Variants in QPCT observed in about 807,000 individuals in gnomAD.
QPCT encodes glutaminyl-peptide cyclotransferase.
A neutral mutation model predicts 43.4 loss-of-function variants in QPCT; 44 were observed. The observed-to-expected ratio is 1.01, with a 90% CI of 0.80 to 1.30. QPCT has a LOEUF of 1.30. Ranked by LOEUF, QPCT falls within the 50% of genes most tolerant of loss-of-function variation. QPCT has a pLI of 0.00. For missense variants in QPCT, 526 were observed against 436.5 expected (o/e 1.21, Z -1.83); for synonymous variants, 168 against 168.4 (o/e 1.00, Z 0.02).
chr2:37,353,188 G>A (rs1333101837), intron 2 of QPCT, among the ~76,000 whole-genome samples: 1 of 152,150 alleles, frequency 6.6e-6, no homozygotes, highest in Non-Finnish European at 1.5e-5. Flanking sequence ...CTTCACTCTT[G>A]ACCATTCAAT....
intron 1 of QPCT, among the ~76,000 whole-genome samples, chr2:37,346,421 G>C (rs574978916): frequency 1.3e-5 from 2 of 152,178 alleles, no homozygotes; most frequent in African/African-American, 2.4e-5. Flanking sequence ...CTGGAATATG[G>C]AGCCACACCA....
chr2:37,358,320 C>A (rs977390063), intron 2 of QPCT, among the ~76,000 whole-genome samples: 1 of 152,108 alleles, frequency 6.6e-6, no homozygotes, highest in Non-Finnish European at 1.5e-5. Flanking sequence ...GTCTGTTATT[C>A]CAGCTACTCA....
intron 3 of QPCT, among the ~76,000 whole-genome samples, chr2:37,360,892 T>A (rs1422717458): frequency 6.6e-6 from 1 of 152,216 alleles, no homozygotes; most frequent in Non-Finnish European, 1.5e-5. Context: ...AAGTCTAATT[T>A]TTCATATTTG....
At chr2:37,347,646 A>G (rs1456396100) in intron 1 of QPCT, among the ~76,000 whole-genome samples, 1 of 152,128 alleles carries the variant, frequency 6.6e-6, no homozygotes, top group African/African-American at 2.4e-5. Context: ...CTTAAAGGTC[A>G]TCATTAGTCT....
At chr2:37,352,581 C>G (rs1672644075) in intron 1 of QPCT, among the ~76,000 whole-genome samples, 1 of 152,202 alleles carries the variant, frequency 6.6e-6, no homozygotes, top group Non-Finnish European at 1.5e-5. Flanking sequence ...GTCCTCTTGC[C>G]TCAGCCTCCC....
At chr2:37,352,037 A>T (rs1223284427) in intron 1 of QPCT, among the ~76,000 whole-genome samples, 1 of 152,056 alleles carries the variant, frequency 6.6e-6, no homozygotes, top group Non-Finnish European at 1.5e-5. Context: ...TTCAAAAAAA[A>T]AAAAAAGATT....
intron 2 of QPCT, among the ~76,000 whole-genome samples, chr2:37,353,603 T>C (rs11689966): frequency 7.5e-4 from 114 of 152,328 alleles, no homozygotes; most frequent in Admixed American, 3.7e-3. Context: ...CAAGACCCAT[T>C]GATTTTACCA....
chr2:37,347,180 A>ATATATATATATAT (rs1672514687), intron 1 of QPCT, among the ~76,000 whole-genome samples: 1 of 35,868 alleles, frequency 2.8e-5, no homozygotes. Flanking sequence ...TATATATATA[A>ATATATATATATAT]CATATATATA....
intron 3 of QPCT, among the ~76,000 whole-genome samples, chr2:37,360,470 G>GT (rs780620036): frequency 5.3e-4 from 80 of 152,050 alleles, no homozygotes; most frequent in Admixed American, 1.5e-3. Flanking sequence ...TGTTCTTAAG[G>GT]GTATATTGGA....
At chr2:37,357,639 G>T (rs550344869) in intron 2 of QPCT, among the ~76,000 whole-genome samples, 1 of 152,296 alleles carries the variant, frequency 6.6e-6, no homozygotes, top group Admixed American at 6.5e-5. Flanking sequence ...CATGCACAAT[G>T]CTATTTAGGA....
intron 3 of QPCT, among the ~76,000 whole-genome samples, chr2:37,364,117 C>T (rs1672909757): frequency 6.6e-6 from 1 of 152,102 alleles, no homozygotes; most frequent in African/African-American, 2.4e-5. Flanking sequence ...ATTTGCAACC[C>T]AGAATCTTCA....
rs780980528 is a variant in QPCT, at chr2:37,359,653, C to G, written c.341C>G (p.Pro114Arg). The change falls in exon 3 of 7, where the codon CCC becomes CGC. Residue 114 changes from proline to arginine, a missense_variant. Pro to Arg is a moderately radical substitution (Grantham distance 103). Coordinates refer to ENST00000338415, the MANE Select transcript of QPCT (RefSeq NM_012413.4). ...LEIDTFLSQT[P>R]YGYRSFSNII... ...ATAGACACCTTCTTGAGTCAGACAC[C>G]CTATGGGTACCGGTCTTTCTCAAAT... The G allele has an allele frequency of 1.3e-5, 21 of 1,614,026 alleles. No homozygotes were observed. The highest frequency in any genetic ancestry group is 1.8e-5 in the Non-Finnish European group (21 of 1,179,958).
intron 3 of QPCT, among the ~76,000 whole-genome samples, chr2:37,361,684 T>C (rs1308772425): frequency 6.6e-6 from 1 of 152,246 alleles, no homozygotes; most frequent in Admixed American, 6.5e-5. Context: ...AAACCCATTC[T>C]AGATCAGCTG....
chr2:37,345,261 G>A (rs1672459657), intron 1 of QPCT, among the ~76,000 whole-genome samples: 1 of 152,038 alleles, frequency 6.6e-6, no homozygotes, highest in Admixed American at 6.5e-5. Context: ...TGCGCCTGGG[G>A]GTGTGCCCAC....
Position 37,372,498 on chromosome 2 carries a change from G to C in QPCT, c.940+26G>C, listed in dbSNP as rs773488756. 4 of 1,503,620 alleles carry C rather than the reference G, an allele frequency of 2.7e-6. No individual in the cohort carries two copies. The South Asian group carries it at 3.4e-5, about 13-fold the overall frequency. The allele number at this position is 1,503,620 out of a possible 1,614,324, so 93.1% of individuals were successfully genotyped here. The stretch of plus-strand genomic sequence containing the variant: ...GTAATGTGTGTGTGTGTGTGTGTTT[G>C]TGTGTGTGTGCGTGCACAGCCTGAT... On this transcript the variant is annotated intron_variant, in intron 6 of 6. Coordinates refer to ENST00000338415, the MANE Select transcript of QPCT (RefSeq NM_012413.4).
At chr2:37,368,782 A>C (rs193255632) in intron 4 of QPCT, 1 of 432,580 alleles carries the variant, frequency 2.3e-6, no homozygotes, top group Non-Finnish European at 4.8e-6. Context: ...GTCCAAATAT[A>C]TGAAGCCACA....
Position 37,359,562 on chromosome 2 carries a change from T to G in QPCT, c.268-18T>G, listed in dbSNP as rs564922976. On this transcript the variant is annotated intron_variant, in intron 2 of 6. Transcript: ENST00000338415. ...CATTTCTTTAGATCTAAATTTTTTG[T>G]TTTTTTGTTTTGATCAGCACATCAT... is the stretch of plus-strand genomic sequence containing the variant. The G allele has an allele frequency of 6.8e-5, 107 of 1,579,560 alleles. No homozygotes were observed. The highest frequency in any genetic ancestry group is 8.9e-5 in the Non-Finnish European group (104 of 1,162,374).
In QPCT at chr2:37,372,757, T is replaced by C. The variant is rs750039509; in HGVS notation, c.1016T>C (p.Leu339Ser). The C allele has an allele frequency of 1.2e-6, 2 of 1,613,412 alleles. No homozygotes were observed. Among genetic ancestry groups the C allele is most frequent in the East Asian group, 4.5e-5 (2 of 44,868 alleles). Residue 339 changes from leucine to serine, a missense_variant, in exon 7 of 7, where the codon TTG (leucine) becomes TCG (serine). Physicochemically the swap from Leu to Ser is moderately radical, Grantham distance 145. Transcript: ENST00000338415. ...WHTMDDNEEN[L>S]DESTIDNLNK... ...ACCATGGATGACAATGAAGAAAATT[T>C]GGATGAATCAACCATTGACAATCTA...
At chr2:37,370,738 G>A (rs1053841378) in intron 5 of QPCT, among the ~76,000 whole-genome samples, 5 of 152,104 alleles carry the variant, frequency 3.3e-5, no homozygotes, top group Non-Finnish European at 5.9e-5. Flanking sequence ...AGAAACATAC[G>A]TATCTATGGC....
Sources: gnomAD v4.1 joint callset for allele counts (sites outside exome capture counted in the v4.1 genomes callset) on GRCh38, gnomAD v4.1.1 for gene constraint, MANE v1.5 for transcripts, NCBI Gene and HGNC (gene_info 2026-07-23, HGNC 2026-07-21) for gene names.